The following DYNC2I1 variants were observed in gnomAD, a reference collection of about 807,000 sequenced individuals.
The protein encoded by DYNC2I1 is cytoplasmic dynein 2 intermediate chain 1.
In DYNC2I1, 89 loss-of-function variants were observed where a neutral mutation model predicts 133.4. The observed-to-expected ratio is 0.67, with a 90% CI of 0.56 to 0.80. DYNC2I1 has a LOEUF of 0.80. Ranked by LOEUF, DYNC2I1 falls within the 30% of genes least tolerant of loss-of-function variation. The pLI is 0.00. For synonymous variants in DYNC2I1, 504 were observed against 484.3 expected (o/e 1.04, Z -0.54); for missense variants, 1,291 against 1,314.5 (o/e 0.98, Z 0.28).
At chr7:158,909,679 C>T (rs1847191729) in intron 11 of DYNC2I1, among the ~76,000 whole-genome samples, 1 of 152,188 alleles carries the variant, frequency 6.6e-6, no homozygotes, top group Non-Finnish European at 1.5e-5. Flanking sequence ...CCGCTGGGCC[C>T]TGAAGAGCCG....
chr7:158,923,542 C>G, intron 16 of DYNC2I1, 29 bp from the exon 17 acceptor site: 2 of 1,614,000 alleles, frequency 1.2e-6, no homozygotes, highest in Non-Finnish European at 1.7e-6. Context: ...ATTCTTCTGT[C>G]ATTGGCTTTC....
upstream of DYNC2I1, among the ~76,000 whole-genome samples, chr7:158,854,596 C>T (rs111322629): frequency 1.1e-4 from 16 of 152,070 alleles, no homozygotes; most frequent in African/African-American, 3.9e-4. Flanking sequence ...ACCTATGTAA[C>T]AAACCTGCAC....
intron 8 of DYNC2I1, among the ~76,000 whole-genome samples, chr7:158,901,132 G>A (rs1846212656): frequency 1.3e-5 from 2 of 152,010 alleles, no homozygotes; most frequent in South Asian, 2.1e-4. Flanking sequence ...GTGCAGTGGC[G>A]CGATCTTGGC....
chr7:158,897,769 C>A (rs958737763), intron 8 of DYNC2I1, among the ~76,000 whole-genome samples: 1 of 151,866 alleles, frequency 6.6e-6, no homozygotes, highest in Non-Finnish European at 1.5e-5. Flanking sequence ...ATTATTATTT[C>A]TTTTTTCTGC....
intron 11 of DYNC2I1, among the ~76,000 whole-genome samples, chr7:158,906,907 A>G (rs1228016209): frequency 1.3e-5 from 2 of 152,250 alleles, no homozygotes; most frequent in African/African-American, 2.4e-5. Flanking sequence ...GTATATGCCT[A>G]TAATCCCAGC....
chr7:158,955,665 T>A (rs1404916687), intron 4 of DYNC2I1, among the ~76,000 whole-genome samples: 3 of 152,244 alleles, frequency 2.0e-5, no homozygotes, highest in Admixed American at 2.0e-4. Flanking sequence ...ACCCTCGTGA[T>A]GTTCTACTAA....
chr7:158,850,694 A>G, the DYNC2I1 span, among the ~76,000 whole-genome samples: 8 of 152,352 alleles, frequency 5.3e-5, no homozygotes, highest in East Asian at 1.9e-4. Flanking sequence ...GGCCTTCCCA[A>G]TGATGACTAC....
At chr7:158,921,344 C>T (rs187341773) in intron 15 of DYNC2I1, among the ~76,000 whole-genome samples, 50 of 152,114 alleles carry the variant, frequency 3.3e-4, no homozygotes, top group Non-Finnish European at 4.3e-4. Flanking sequence ...GAGGTGAGGT[C>T]GGGGCAGCGA....
chr7:158,957,187 A>G (rs1436327333), downstream of DYNC2I1, among the ~76,000 whole-genome samples: 1 of 152,218 alleles, frequency 6.6e-6, no homozygotes, highest in Non-Finnish European at 1.5e-5. Context: ...ATAGACATCC[A>G]AAATGCATGT....
At chr7:158,903,157 CAA>C (rs1311108294) in intron 10 of DYNC2I1, 1 of 152,664 alleles carries the variant, frequency 6.6e-6, no homozygotes, top group Non-Finnish European at 1.5e-5. Context: ...AGGTGCCTGT[CAA>C]GTCTTGGGAC....
intron 23 of DYNC2I1, among the ~76,000 whole-genome samples, chr7:158,935,249 G>T (rs899943214): frequency 1.3e-5 from 2 of 152,250 alleles, no homozygotes; most frequent in Admixed American, 1.3e-4. Flanking sequence ...GTGGGTGCGA[G>T]CTGCTTGCTG....
rs140466085 is a variant in DYNC2I1 at position 158,870,347 on chromosome 7, T to C, written c.69+439T>C. ...TAGTATTTTATTTATTTATTTTTAG[T>C]TAATTAATTTTACTCTTTTTTTTAG... On this transcript the variant is annotated intron_variant, in intron 2 of 24. Coordinates refer to ENST00000407559, the MANE Select transcript of DYNC2I1 (RefSeq NM_018051.5). 2.6e-3 allele frequency among the ~76,000 whole-genome samples: 382 copies of C among 148,388 alleles called. 2 individuals are homozygous for C. Among genetic ancestry groups the C allele is most frequent in the South Asian group, 9.2e-3 (43 of 4,650 alleles).
rs577876445 is a variant in DYNC2I1 at position 158,879,690 on chromosome 7, T to C, written c.580T>C (p.Tyr194His). Reference protein sequence around the residue: ...ERRYRERKLQYGDSKDNPLKY... With the variant: ...ERRYRERKLQHGDSKDNPLKY... ...AGCTTGTCGTGTTTTACAGCTGCAG[T>C]ACGGAGACAGCAAGGACAACCCTCT... The change falls in exon 5 of 25, where the codon TAC (tyrosine) becomes CAC (histidine). Residue 194 changes from tyrosine (Y) to histidine (H), a missense_variant. Tyr to His is a moderately conservative substitution (Grantham distance 83). Coordinates refer to ENST00000407559, the MANE Select transcript of DYNC2I1 (RefSeq NM_018051.5). The C allele has an allele frequency of 1.3e-6, 2 of 1,579,476 alleles. No homozygotes were observed. The highest frequency in any genetic ancestry group is 1.4e-5 in the African/African-American group (1 of 72,516).
At chr7:158,892,078 C>T (rs945757879) in intron 8 of DYNC2I1, among the ~76,000 whole-genome samples, 1 of 152,160 alleles carries the variant, frequency 6.6e-6, no homozygotes, top group African/African-American at 2.4e-5. Context: ...TAGCTCTGCA[C>T]AGAAGTGACG....
chr7:158,929,016 A>G (rs1385990193), intron 20 of DYNC2I1, among the ~76,000 whole-genome samples: 1 of 152,236 alleles, frequency 6.6e-6, no homozygotes, highest in Non-Finnish European at 1.5e-5. Flanking sequence ...AATGTTTTGT[A>G]GTACATGATG....
intron 11 of DYNC2I1, among the ~76,000 whole-genome samples, chr7:158,907,900 G>T (rs1585111719): frequency 6.6e-6 from 1 of 152,162 alleles, no homozygotes. Context: ...GGTGTGAGCT[G>T]CTGTGCCCGG....
chr7:158,846,243 A>G, the DYNC2I1 span, among the ~76,000 whole-genome samples: 1 of 152,254 alleles, frequency 6.6e-6, no homozygotes, highest in Non-Finnish European at 1.5e-5. Context: ...TGGGCAGCAG[A>G]GCAAAACTCC....
At chr7:158,885,207 G>A (rs1041840588) in intron 6 of DYNC2I1, among the ~76,000 whole-genome samples, 1 of 152,124 alleles carries the variant, frequency 6.6e-6, no homozygotes, top group African/African-American at 2.4e-5. Context: ...CCCAGAGCTG[G>A]GGGTGGGGGT....
Position 158,938,426 on chromosome 7 carries a change from T to C in DYNC2I1, c.2779-3499T>C, listed in dbSNP as rs573040055. Among the ~76,000 whole-genome samples the C allele has an allele frequency of 9.8e-5, 15 of 152,294 alleles. No homozygotes were observed. In the East Asian group the frequency reaches 2.9e-3, roughly 29 times the overall value. On this transcript the variant is annotated intron_variant, in intron 23 of 24. Transcript: ENST00000407559. ...AAGTCTTTCCCAGATATACAAAAGC[T>C]GAGAGAATTCACCATCCTCAGACCC...
Sources: gnomAD v4.1 joint callset for allele counts (sites outside exome capture counted in the v4.1 genomes callset) on GRCh38, gnomAD v4.1.1 for gene constraint, MANE v1.5 for transcripts, NCBI Gene and HGNC (gene_info 2026-07-23, HGNC 2026-07-21) for gene names.